IGSF21: variants seen among roughly 807,000 people sequenced by gnomAD.
IGSF21 encodes immunoglobin superfamily member 21, also known as immunoglobulin superfamily member 21.
Under a neutral mutation model 46.8 loss-of-function variants are expected in IGSF21, and 28 were observed. The observed-to-expected ratio is 0.60, with a 90% CI of 0.44 to 0.82. IGSF21 has a LOEUF of 0.82. IGSF21 is among the 40% of genes least tolerant of loss of function. The pLI, the probability that IGSF21 is intolerant of heterozygous loss-of-function variation, is 0.00. For synonymous variants in IGSF21, 284 were observed against 273.6 expected (o/e 1.04, Z -0.38); for missense variants, 624 against 665.5 (o/e 0.94, Z 0.69).
Position 18,107,912 on chromosome 1 carries a change from G to C in IGSF21, c.-217G>C, listed in dbSNP as rs888648441. 3 of 179,984 alleles carry C rather than the reference G, an allele frequency of 1.7e-5. No individual in the cohort carries two copies. The highest frequency in any genetic ancestry group is 2.4e-5 in the African/African-American group (1 of 41,954). 11.1% of individuals were successfully genotyped at this position (179,984 alleles called of 1,614,324 possible). On this transcript the variant is annotated 5_prime_UTR_variant, in exon 1 of 10. Transcript: ENST00000251296. ...AGCCCCGAGGACGCCCAGAGCGCGA[G>C]GGTCGCTGCGCCTCGCAGAGCCGGA... is the stretch of plus-strand genomic sequence containing the variant.
At chr1:18,198,112 A>T (rs2087027487) in intron 1 of IGSF21, among the ~76,000 whole-genome samples, 1 of 152,232 alleles carries the variant, frequency 6.6e-6, no homozygotes, top group Non-Finnish European at 1.5e-5. Flanking sequence ...TTTCAAGTGT[A>T]TCTGATATTT....
rs57104351 is a variant in IGSF21 at position 18,174,019 on chromosome 1, G to T, written c.71-53879G>T. On this transcript the variant is annotated intron_variant, in intron 1 of 9. Coordinates refer to ENST00000251296, the MANE Select transcript of IGSF21 (RefSeq NM_032880.5). ...TTTGCCCTCCTCGGCCTCCCAAAGT[G>T]CTGGGATCACAGGCATGAGCCACCG... Among the ~76,000 whole-genome samples the T allele has an allele frequency of 1.8e-3, 281 of 152,308 alleles. 3 individuals carry two copies. The highest frequency in any genetic ancestry group is 6.6e-3 in the African/African-American group (276 of 41,574).
intron 1 of IGSF21, among the ~76,000 whole-genome samples, chr1:18,197,738 G>A (rs2087023312): frequency 6.6e-6 from 1 of 152,180 alleles, no homozygotes; most frequent in East Asian, 1.9e-4. Context: ...TTATCTATCT[G>A]AGCCTAAGTT....
chr1:18,203,802 A>G (rs944715505), intron 1 of IGSF21, among the ~76,000 whole-genome samples: 2 of 152,234 alleles, frequency 1.3e-5, no homozygotes, highest in Admixed American at 6.5e-5. Context: ...ATTTTCCTGT[A>G]AAGAGCTAGA....
At chr1:18,124,056 C>A (rs1433514230) in intron 1 of IGSF21, among the ~76,000 whole-genome samples, 3 of 152,194 alleles carry the variant, frequency 2.0e-5, no homozygotes, top group Non-Finnish European at 4.4e-5. Flanking sequence ...GAGCAAGAAG[C>A]AGAGGTTGGT....
intron 2 of IGSF21, among the ~76,000 whole-genome samples, chr1:18,273,468 CTTTCTT>C (rs2085068674): frequency 4.8e-4 from 11 of 22,698 alleles, no homozygotes; most frequent in African/African-American, 3.4e-4. Context: ...CTCTCTCTTT[CTTTCTT>C]TCTTTCTTTC....
At chr1:18,372,770 A>G (rs1476175886) in intron 6 of IGSF21, among the ~76,000 whole-genome samples, 2 of 147,292 alleles carry the variant, frequency 1.4e-5, no homozygotes, top group Non-Finnish European at 3.0e-5. Context: ...GGATGTTTGG[A>G]TAGATGTTTG....
At chr1:18,279,051 A>C (rs1332039005) in intron 2 of IGSF21, among the ~76,000 whole-genome samples, 2 of 152,248 alleles carry the variant, frequency 1.3e-5, no homozygotes, top group Non-Finnish European at 2.9e-5. Flanking sequence ...CCAGACGGGC[A>C]ACCCTGGGAT....
At chr1:18,178,554 T>G (rs376457895) in intron 1 of IGSF21, among the ~76,000 whole-genome samples, 6 of 152,376 alleles carry the variant, frequency 3.9e-5, no homozygotes, top group South Asian at 4.1e-4. Flanking sequence ...CATAGAACAG[T>G]GCCAGGTGCA....
At chr1:18,149,959 T>G (rs1165745265) in intron 1 of IGSF21, among the ~76,000 whole-genome samples, 1 of 152,194 alleles carries the variant, frequency 6.6e-6, no homozygotes, top group Non-Finnish European at 1.5e-5. Context: ...GTAGCAAGAA[T>G]GTAGGCTTTG....
At chr1:18,263,735 T>C (rs2084966757) in intron 2 of IGSF21, among the ~76,000 whole-genome samples, 1 of 152,154 alleles carries the variant, frequency 6.6e-6, no homozygotes, top group African/African-American at 2.4e-5. Flanking sequence ...ACACTCTTCC[T>C]GTAAAACCCA....
At chr1:18,289,203 C>T (rs375842907) in intron 2 of IGSF21, among the ~76,000 whole-genome samples, 30 of 152,170 alleles carry the variant, frequency 2.0e-4, no homozygotes, top group South Asian at 4.2e-4. Flanking sequence ...TAAGGGCTGC[C>T]GCATTTTAGG....
intron 3 of IGSF21, among the ~76,000 whole-genome samples, chr1:18,302,901 A>G (rs1368791989): frequency 6.6e-6 from 1 of 152,052 alleles, no homozygotes; most frequent in African/African-American, 2.4e-5. Flanking sequence ...CCCACTCTCT[A>G]TTTGACCTTG....
chr1:18,327,007 C>T (rs1205247461), intron 3 of IGSF21, among the ~76,000 whole-genome samples: 1 of 152,184 alleles, frequency 6.6e-6, no homozygotes, highest in Non-Finnish European at 1.5e-5. Context: ...TGTGCCACAA[C>T]ATCCTCTAAT....
At chr1:18,126,742 A>T (rs2086277215) in intron 1 of IGSF21, among the ~76,000 whole-genome samples, 1 of 152,084 alleles carries the variant, frequency 6.6e-6, no homozygotes, top group African/African-American at 2.4e-5. Context: ...GTTATGTTTT[A>T]TTAAAAGAGC....
intron 1 of IGSF21, among the ~76,000 whole-genome samples, chr1:18,173,495 G>A (rs1305581827): frequency 6.6e-6 from 1 of 152,124 alleles, no homozygotes; most frequent in Non-Finnish European, 1.5e-5. Flanking sequence ...CCTGCCCTTA[G>A]GCCCAGGCAA....
chr1:18,324,490 G>T (rs146305044), intron 3 of IGSF21, among the ~76,000 whole-genome samples: 1 of 152,278 alleles, frequency 6.6e-6, no homozygotes, highest in East Asian at 1.9e-4. Context: ...ACCTTTGACG[G>T]ATCACCTGGT....
At chr1:18,207,038 A>G (rs1208961300) in intron 1 of IGSF21, among the ~76,000 whole-genome samples, 1 of 152,112 alleles carries the variant, frequency 6.6e-6, no homozygotes, top group African/African-American at 2.4e-5. Flanking sequence ...TCTTATCTGG[A>G]GTCTTAGGAG....
intron 1 of IGSF21, among the ~76,000 whole-genome samples, chr1:18,155,946 G>A (rs2086564393): frequency 6.6e-6 from 1 of 152,250 alleles, no homozygotes; most frequent in South Asian, 2.1e-4. Context: ...TGATGGGCCC[G>A]GATGCGGTGC....
Sources: allele counts gnomAD v4.1 joint callset (sites outside exome capture counted in the v4.1 genomes callset), GRCh38; gene constraint gnomAD v4.1.1; transcripts MANE v1.5; gene names NCBI Gene and HGNC (gene_info 2026-07-23, HGNC 2026-07-21).